GTF2H1: variants seen among roughly 807,000 people sequenced by gnomAD.
GTF2H1 encodes the protein general transcription factor IIH subunit 1.
Under a neutral mutation model 71.2 loss-of-function variants are expected in GTF2H1, and 16 were observed. That is an observed-to-expected ratio of 0.22 (90% CI 0.15 to 0.34). The LOEUF is 0.34. GTF2H1 is among the 10% of genes least tolerant of loss of function. The pLI is 1.00. For missense variants in GTF2H1, 498 were observed against 648.2 expected, an observed-to-expected ratio of 0.77 and a Z score of 2.52; for synonymous variants, 215 against 219.0, an observed-to-expected ratio of 0.98 and a Z score of 0.16.
chr11:18,327,649 A>T (rs1278520452), intron 1 of GTF2H1, among the ~76,000 whole-genome samples: 2 of 152,160 alleles, frequency 1.3e-5, no homozygotes, highest in Non-Finnish European at 2.9e-5. Flanking sequence ...CCCAGACTGG[A>T]GTGCAGTGGT....
chr11:18,345,177 C>T (rs1050686452), intron 7 of GTF2H1, among the ~76,000 whole-genome samples: 2 of 151,330 alleles, frequency 1.3e-5, no homozygotes, highest in African/African-American at 2.4e-5. Flanking sequence ...GGCAACAGAG[C>T]GAGAACCTGT....
At position 18,333,892 on chromosome 11, in the gene GTF2H1, C is replaced by G. The variant is rs115674095; in HGVS notation, c.154+664C>G. 2.6e-3 allele frequency among the ~76,000 whole-genome samples: 399 copies of G among 152,330 alleles called. 2 individuals carry two copies. Among genetic ancestry groups the G allele is most frequent in the African/African-American group, 9.4e-3 (389 of 41,562 alleles). On this transcript the variant is annotated intron_variant, in intron 2 of 14. Coordinates refer to ENST00000265963, the MANE Select transcript of GTF2H1 (RefSeq NM_005316.4). ...TGATCTTTGCTTATGTGGCCATCTT[C>G]TGTTGAGAAGACTCAACCTTATAGT...
At chr11:18,358,452 G>C (rs1264740354) in intron 12 of GTF2H1, 73 bp from the exon 13 acceptor site, 4 of 794,290 alleles carry the variant, frequency 5.0e-6, no homozygotes, top group Non-Finnish European at 8.6e-6. Context: ...TTTATTCTCT[G>C]AGTGGTCATT....
chr11:18,352,461 C>T lies in GTF2H1; in HGVS notation c.1260+15C>T. On this transcript the variant is annotated intron_variant, in intron 11 of 14. Transcript: ENST00000265963. The stretch of plus-strand genomic sequence containing the variant: ...AGTTAACTCAGGTAGGTGACTTCTA[C>T]TGTTTGAAGGCCAGAATTCCCATAG... 1.0e-6 allele frequency: 1 copy of T among 996,840 alleles called. No individual in the cohort carries two copies. The highest frequency in any genetic ancestry group is 2.0e-4 in the Middle Eastern group (1 of 4,888). 61.7% of individuals were successfully genotyped at this position (996,840 alleles called of 1,614,324 possible).
At chr11:18,351,854 TAAA>T (rs536343345) in intron 9 of GTF2H1, 24 bp from the exon 10 acceptor site, 1 of 1,166,460 alleles carries the variant, frequency 8.6e-7, no homozygotes, top group African/African-American at 1.5e-5. Context: ...TGTGACAAAA[TAAA>T]AAGTACTGTG....
intron 9 of GTF2H1, among the ~76,000 whole-genome samples, chr11:18,350,973 A>T (rs1865407474): frequency 6.6e-6 from 1 of 152,214 alleles, no homozygotes; most frequent in Non-Finnish European, 1.5e-5. Flanking sequence ...AATTAAGCAT[A>T]TGTATGATAC....
At chr11:18,325,944 T>C (rs564039282) in intron 1 of GTF2H1, 6 of 152,346 alleles carry the variant, frequency 3.9e-5, no homozygotes, top group South Asian at 2.1e-4. Context: ...ATGGCTCTTA[T>C]AGAGTTCTCC....
At position 18,335,774 on chromosome 11, in the gene GTF2H1, G is replaced by A; in HGVS notation, c.175G>A (p.Gly59Arg). The change falls in exon 3 of 15, where the codon GGA becomes AGA. Residue 59 changes from glycine (G) to arginine (R), a missense_variant. By Grantham distance (125) the Gly-to-Arg change is moderately radical. This residue lies in a region of GTF2H1 where 216 missense variants were observed against 306.2 expected (regional missense o/e 0.71). Transcript: ENST00000265963. ...TTTAGGCCAGAAAATTAGTCCAGAA[G>A]GAAAAGCTAAAATTCAGCTTCAGCT... ...DIKCQKISPE[G>R]KAKIQLQLVL... The A allele has an allele frequency of 6.8e-6, 11 of 1,613,784 alleles. No individual in the cohort carries two copies. Among genetic ancestry groups the A allele is most frequent in the Non-Finnish European group, 9.3e-6 (11 of 1,179,848 alleles).
chr11:18,354,422 T>C (rs2133983561), intron 11 of GTF2H1, among the ~76,000 whole-genome samples: 1 of 152,326 alleles, frequency 6.6e-6, no homozygotes, highest in East Asian at 1.9e-4. Context: ...AAATTTTTTA[T>C]TTTTATTTTT....
At chr11:18,339,208 AAGTC>A (rs1397667249) in intron 4 of GTF2H1, among the ~76,000 whole-genome samples, 1 of 152,216 alleles carries the variant, frequency 6.6e-6, no homozygotes, top group Non-Finnish European at 1.5e-5. Flanking sequence ...TTTCCCAAAG[AAGTC>A]AGTCAGTTAA....
At chr11:18,329,135 A>C (rs1353209248) in intron 1 of GTF2H1, among the ~76,000 whole-genome samples, 1 of 151,356 alleles carries the variant, frequency 6.6e-6, no homozygotes, top group Non-Finnish European at 1.5e-5. Flanking sequence ...AGATAAGGTA[A>C]GCACAATTAA....
intron 2 of GTF2H1, chr11:18,333,757 T>A (rs1399736459): frequency 1.3e-5 from 2 of 152,326 alleles, no homozygotes; most frequent in Non-Finnish European, 1.5e-5. Flanking sequence ...AGTTCTGGGA[T>A]TATGTTATAG....
chr11:18,356,643 A>G (rs1865554957), intron 11 of GTF2H1, among the ~76,000 whole-genome samples: 1 of 152,034 alleles, frequency 6.6e-6, no homozygotes. Context: ...GGAGTGCAGT[A>G]GCACTATCAT....
Position 18,358,547 on chromosome 11 carries a change from A to C in GTF2H1, c.1374A>C (p.Gln458His), listed in dbSNP as rs138965123. The change falls in exon 13 of 15, where the codon CAA (glutamine) becomes CAC (histidine). Residue 458 changes from glutamine to histidine, a missense_variant. By Grantham distance (24) the Gln-to-His change is conservative. Around this residue, in one of 3 missense-constraint regions of GTF2H1, gnomAD observed 266 missense variants for 301.6 expected, o/e 0.88. Transcript: ENST00000265963. ...CAGAGATGGTGCCAAATGATATTCA[A>C]TCTGAATTGAAACACTTATATGTAG... ...AINQMVPNDI[Q>H]SELKHLYVAV... 5.6e-6 allele frequency: 9 copies of C among 1,608,198 alleles called. No individual in the cohort carries two copies. The highest frequency in any genetic ancestry group is 1.7e-5 in the Admixed American group (1 of 59,958).
intron 11 of GTF2H1, among the ~76,000 whole-genome samples, chr11:18,356,017 C>T (rs1865535600): frequency 6.6e-6 from 1 of 152,062 alleles, no homozygotes; most frequent in African/African-American, 2.4e-5. Flanking sequence ...GATAGATGTT[C>T]CAGGCTTATC....
intron 2 of GTF2H1, among the ~76,000 whole-genome samples, chr11:18,335,228 ATATAGTGTCAGGTTG>A (rs1269301031): frequency 6.6e-6 from 1 of 152,242 alleles, no homozygotes; most frequent in Non-Finnish European, 1.5e-5. Context: ...CTCAGAAAGC[ATATAGTGTCAGGTTG>A]TCTCACTTTT....
At chr11:18,327,654 A>T (rs1007755023) in intron 1 of GTF2H1, among the ~76,000 whole-genome samples, 1 of 152,206 alleles carries the variant, frequency 6.6e-6, no homozygotes, top group African/African-American at 2.4e-5. Flanking sequence ...ACTGGAGTGC[A>T]GTGGTATCAT....
At chr11:18,334,235 CTG>C (rs1169831113) in intron 2 of GTF2H1, among the ~76,000 whole-genome samples, 3 of 152,294 alleles carry the variant, frequency 2.0e-5, no homozygotes, top group African/African-American at 4.8e-5. Flanking sequence ...AAAAAATTCT[CTG>C]GGCATGGTGG....
intron 1 of GTF2H1, among the ~76,000 whole-genome samples, chr11:18,325,543 C>G (rs1193311656): frequency 6.6e-6 from 1 of 152,116 alleles, no homozygotes; most frequent in Non-Finnish European, 1.5e-5. Context: ...TGGCCTCTGC[C>G]CTCCCTTATG....
Sources: gnomAD v4.1 joint callset for allele counts (sites outside exome capture counted in the v4.1 genomes callset) on GRCh38, gnomAD v4.1.1 for gene constraint, gnomAD v4.1.1 regional missense constraint, MANE v1.5 for transcripts, NCBI Gene and HGNC (gene_info 2026-07-23, HGNC 2026-07-21) for gene names.